USH2A: variants seen among roughly 807,000 people sequenced by gnomAD.
USH2A encodes Usher syndrome 2A (autosomal recessive, mild).
Under a neutral mutation model 538.9 loss-of-function variants are expected in USH2A, and 443 were observed. The observed-to-expected ratio is 0.82, with a 90% confidence interval of 0.76 to 0.89. The LOEUF (loss-of-function observed/expected upper bound fraction) is 0.89. USH2A is among the 40% of genes least tolerant of loss of function. The probability of loss-of-function intolerance (pLI) is 0.00; values close to 1 mark genes in which losing one functional copy is unlikely to be tolerated. For synonymous variants in USH2A, 2,413 were observed against 2,273.5 expected (o/e 1.06, Z -1.75); for missense variants, 6,633 against 6,324.8 (o/e 1.05, Z -1.65).
In USH2A at chr1:215,877,773, T is replaced by C. The variant is rs772287412; in HGVS notation, c.8666A>G (p.Asp2889Gly). The C allele has an allele frequency of 6.2e-7, 1 of 1,613,784 alleles. No individual in the cohort carries two copies. The highest frequency in any genetic ancestry group is 8.5e-7 in the Non-Finnish European group (1 of 1,179,686). The change falls in exon 43 of 72, where the codon GAT (aspartate) becomes GGT (glycine). Residue 2889 changes from aspartate (D) to glycine (G), a missense_variant. Coordinates refer to ENST00000307340, the MANE Select transcript of USH2A (RefSeq NM_206933.4). ...IYSGTQWLYE[D>G]KGLSRFTTYE... is the part of the protein sequence containing the mutation. The stretch of plus-strand genomic sequence containing the variant: ...GTAATCTCACCTGCTAAGACCCTTA[T>C]CTTCATAAAGCCACTGAGTTCCTGA...
chr1:215,897,787 G>A (rs749202636), intron 40 of USH2A, among the ~76,000 whole-genome samples: 1 of 151,772 alleles, frequency 6.6e-6, no homozygotes, highest in Non-Finnish European at 1.5e-5. Flanking sequence ...GAGAGAGAGG[G>A]GAAAGAAAGA....
intron 43 of USH2A, among the ~76,000 whole-genome samples, chr1:215,875,710 T>A (rs1664744482): frequency 6.6e-6 from 1 of 151,816 alleles, no homozygotes; most frequent in Admixed American, 6.6e-5. Context: ...TCAGATTCAG[T>A]AATGTTAAAG....
chr1:216,386,868 T>A (rs575223645), intron 3 of USH2A, among the ~76,000 whole-genome samples: 78 of 151,844 alleles, frequency 5.1e-4, no homozygotes, highest in African/African-American at 1.3e-3. Context: ...GAGAAAAAAA[T>A]AATAATAATA....
chr1:216,083,428 G>C lies in USH2A; in HGVS notation c.5298+28C>G, dbSNP rs1470168519. 3 of 1,604,044 alleles carry C rather than the reference G, an allele frequency of 1.9e-6. No homozygotes were observed. The South Asian group carries it at 3.3e-5, about 18-fold the overall frequency. On this transcript the variant is annotated intron_variant, in intron 26 of 71. Transcript: ENST00000307340. ...TTAAAGTTGGGTCCTATATTTTAAA[G>C]TAATTTTAATCAAATTAATTCACAT...
chr1:215,674,620 C>G lies in USH2A; in HGVS notation c.13291G>C (p.Ala4431Pro). The G allele has an allele frequency of 1.9e-6, 3 of 1,614,162 alleles. No homozygotes were observed. Among genetic ancestry groups the G allele is most frequent in the Non-Finnish European group, 2.5e-6 (3 of 1,180,018 alleles). Residue 4431 changes from alanine (A) to proline (P), a missense_variant, in exon 63 of 72, where the codon GCT becomes CCT. Coordinates refer to ENST00000307340, the MANE Select transcript of USH2A (RefSeq NM_206933.4). The stretch of plus-strand genomic sequence containing the variant: ...GTCCAGGCAGATTTTGACACACTAG[C>G]TGTGCAACCTCCATTCGTGCAGGCT... ...LVACTNGGCTASVSKSAWTME... is the reference protein window; with the variant it reads ...LVACTNGGCTPSVSKSAWTME...
intron 21 of USH2A, among the ~76,000 whole-genome samples, chr1:216,109,090 T>C (rs1014566952): frequency 1.2e-4 from 18 of 152,166 alleles, no homozygotes; most frequent in African/African-American, 4.3e-4. Flanking sequence ...GCTGGGACTA[T>C]AAATATTTTT....
intron 40 of USH2A, among the ~76,000 whole-genome samples, chr1:215,893,016 T>C (rs1218900292): frequency 6.6e-6 from 1 of 152,084 alleles, no homozygotes; most frequent in African/African-American, 2.4e-5. Context: ...TCTGCGATAA[T>C]TTGGTGCAGA....
At chr1:215,954,284 A>G (rs1667004638) in intron 37 of USH2A, among the ~76,000 whole-genome samples, 1 of 152,096 alleles carries the variant, frequency 6.6e-6, no homozygotes, top group Non-Finnish European at 1.5e-5. Flanking sequence ...TTGTGGCACT[A>G]TTCACAATAG....
intron 2 of USH2A, among the ~76,000 whole-genome samples, chr1:216,419,026 G>C (rs1019968494): frequency 6.6e-6 from 1 of 152,008 alleles, no homozygotes; most frequent in African/African-American, 2.4e-5. Flanking sequence ...TAGAGGAAGT[G>C]GTACAACACA....
intron 16 of USH2A, chr1:216,201,496 TAGAG>T (rs1291812969): frequency 6.6e-6 from 1 of 152,320 alleles, no homozygotes; most frequent in Non-Finnish European, 1.5e-5. Flanking sequence ...GTATTTTTTG[TAGAG>T]ATAGGGTTGC....
chr1:215,771,090 A>G (rs971452625), intron 55 of USH2A, among the ~76,000 whole-genome samples: 24 of 150,178 alleles, frequency 1.6e-4, no homozygotes, highest in Admixed American at 6.6e-4. Context: ...TCCTGCCACT[A>G]TGCTCCAGCC....
chr1:215,929,955 G>C (rs535422158), intron 38 of USH2A, among the ~76,000 whole-genome samples: 1 of 151,986 alleles, frequency 6.6e-6, no homozygotes, highest in South Asian at 2.1e-4. Context: ...AGGAGAGAGA[G>C]TCGAAAAGAC....
chr1:216,089,049 C>G lies in USH2A; in HGVS notation c.4849G>C (p.Ala1617Pro). Reference protein sequence around the residue: ...WHEIIAIRHQAFGQITLDGIY... With the variant: ...WHEIIAIRHQPFGQITLDGIY... Reference sequence around the variant, plus strand: ...CCATCCAGAGTGATTTGGCCAAAAGCCTGATGCCTAATAGCAATTATTTCA... The same window carrying G: ...CCATCCAGAGTGATTTGGCCAAAAGGCTGATGCCTAATAGCAATTATTTCA... Residue 1617 changes from alanine to proline, a missense_variant, in exon 23 of 72, where the codon GCT becomes CCT. Physicochemically the swap from Ala to Pro is conservative, Grantham distance 27 (BLOSUM62 -1). Coordinates refer to ENST00000307340, the MANE Select transcript of USH2A (RefSeq NM_206933.4). 1 of 1,613,422 alleles carries G rather than the reference C, an allele frequency of 6.2e-7. No individual in the cohort carries two copies. The highest frequency in any genetic ancestry group is 8.5e-7 in the Non-Finnish European group (1 of 1,179,594).
In USH2A at chr1:215,650,758, G is replaced by A. The variant is rs773588271; in HGVS notation, c.14177C>T (p.Thr4726Ile). ...TGGGGCTGGCCCGGTTCTGCACCATGTCCAGCTACTGGGGGCTTTTCCTGC... is the reference window on the plus strand; with the variant it reads ...TGGGGCTGGCCCGGTTCTGCACCATATCCAGCTACTGGGGGCTTTTCCTGC... ...NSAGKAPSSWTWCRTGPAPPE... is the reference protein window; with the variant it reads ...NSAGKAPSSWIWCRTGPAPPE... The change falls in exon 65 of 72, where the codon ACA becomes ATA. Residue 4726 changes from threonine (T) to isoleucine (I), a missense_variant. Coordinates refer to ENST00000307340, the MANE Select transcript of USH2A (RefSeq NM_206933.4). 4 of 1,612,600 alleles carry A rather than the reference G, an allele frequency of 2.5e-6. No individual in the cohort carries two copies. The highest frequency in any genetic ancestry group is 3.4e-6 in the Non-Finnish European group (4 of 1,179,840).
chr1:216,154,023 C>A (rs139444788), intron 21 of USH2A, among the ~76,000 whole-genome samples: 1 of 152,062 alleles, frequency 6.6e-6, no homozygotes, highest in African/African-American at 2.4e-5. Flanking sequence ...CATATTAACA[C>A]GGATTATATA....
At chr1:216,292,924 G>T (rs1571669663) in intron 9 of USH2A, among the ~76,000 whole-genome samples, 2 of 151,946 alleles carry the variant, frequency 1.3e-5, no homozygotes, top group Admixed American at 1.3e-4. Flanking sequence ...AAAACTTGGA[G>T]AAGTTGTTTT....
intron 11 of USH2A, among the ~76,000 whole-genome samples, chr1:216,276,277 C>T (rs776909283): frequency 6.6e-6 from 1 of 152,146 alleles, no homozygotes; most frequent in Non-Finnish European, 1.5e-5. Context: ...ATCTTACAGA[C>T]TAGTTTCTGT....
chr1:216,199,926 G>A lies in USH2A; in HGVS notation c.3512C>T (p.Thr1171Ile). Residue 1171 changes from threonine (T) to isoleucine (I), a missense_variant, in exon 17 of 72, where the codon ACA becomes ATA. Physicochemically the swap from Thr to Ile is moderately conservative, Grantham distance 89. Coordinates refer to ENST00000307340, the MANE Select transcript of USH2A (RefSeq NM_206933.4). ...GSDSVTLTWTTLSNQSGPIEK... is the reference protein window; with the variant it reads ...GSDSVTLTWTILSNQSGPIEK... ...TATGGGACCAGATTGATTTGAGAGT[G>A]TTGTCCAGGTAAGTGTCACAGAGTC... is the stretch of plus-strand genomic sequence containing the variant. 1 of 1,614,076 alleles carries A rather than the reference G, an allele frequency of 6.2e-7. No individual in the cohort carries two copies. The highest frequency in any genetic ancestry group is 8.5e-7 in the Non-Finnish European group (1 of 1,180,002).
At chr1:216,291,885 T>C (rs775076245) in intron 10 of USH2A, among the ~76,000 whole-genome samples, 5 of 152,166 alleles carry the variant, frequency 3.3e-5, no homozygotes, top group Non-Finnish European at 5.9e-5. Context: ...CTAAATATGG[T>C]TGTGGTTTAG....
Sources: allele counts gnomAD v4.1 joint callset (sites outside exome capture counted in the v4.1 genomes callset), GRCh38; gene constraint gnomAD v4.1.1; transcripts MANE v1.5; gene names NCBI Gene and HGNC (gene_info 2026-07-23, HGNC 2026-07-21).